Variants in NUCB2 observed in about 807,000 individuals in gnomAD.
The protein encoded by NUCB2 is nucleobindin 2.
In NUCB2, 48 loss-of-function variants were observed where a neutral mutation model predicts 57.9. The observed-to-expected ratio is 0.83, with a 90% CI of 0.66 to 1.05. NUCB2 has a LOEUF of 1.05. Ranked by LOEUF, NUCB2 falls within the 50% of genes least tolerant of loss-of-function variation. The pLI is 0.00. For synonymous variants in NUCB2, 139 were observed against 152.1 expected (o/e 0.91, Z 0.64); for missense variants, 442 against 476.2 (o/e 0.93, Z 0.67).
intron 5 of NUCB2, among the ~76,000 whole-genome samples, chr11:17,304,386 G>A (rs1947282766): frequency 1.3e-5 from 2 of 152,130 alleles, no homozygotes; most frequent in South Asian, 4.1e-4. Context: ...TGGAGACAGT[G>A]TTTCACCATG....
chr11:17,319,074 G>C (rs1195044842), intron 11 of NUCB2, among the ~76,000 whole-genome samples: 1 of 152,164 alleles, frequency 6.6e-6, no homozygotes, highest in Non-Finnish European at 1.5e-5. Context: ...GATGTCCATT[G>C]ATGATTCTAG....
At chr11:17,322,040 G>A (rs747169484) in intron 11 of NUCB2, among the ~76,000 whole-genome samples, 2 of 151,998 alleles carry the variant, frequency 1.3e-5, no homozygotes, top group Non-Finnish European at 2.9e-5. Context: ...TCATTCTGTG[G>A]GTTATCCCTT....
At chr11:17,313,332 C>T (rs912000356) in intron 10 of NUCB2, among the ~76,000 whole-genome samples, 5 of 151,862 alleles carry the variant, frequency 3.3e-5, no homozygotes, top group Non-Finnish European at 7.4e-5. Context: ...AAGTTCGAGA[C>T]CAGCCTGGCA....
At chr11:17,305,825 G>A (rs1947539363) in intron 5 of NUCB2, among the ~76,000 whole-genome samples, 1 of 151,638 alleles carries the variant, frequency 6.6e-6, no homozygotes, top group Non-Finnish European at 1.5e-5. Context: ...ATCTCACTGT[G>A]TTCCCCAGGC....
chr11:17,288,592 A>G (rs970363272), intron 2 of NUCB2, among the ~76,000 whole-genome samples: 10 of 116,302 alleles, frequency 8.6e-5, no homozygotes, highest in African/African-American at 3.5e-4. Context: ...TCTGTTGCCC[A>G]GACTGGAGTG....
chr11:17,320,997 A>G (rs994298033), intron 11 of NUCB2, among the ~76,000 whole-genome samples: 1 of 152,116 alleles, frequency 6.6e-6, no homozygotes, highest in Non-Finnish European at 1.5e-5. Context: ...GTATATATTT[A>G]TGGGGTACTT....
rs941918548 is a variant in NUCB2, at chr11:17,311,260, C to A, written c.737C>A (p.Pro246His). The A allele has an allele frequency of 6.2e-7, 1 of 1,607,014 alleles. No individual in the cohort carries two copies. Among genetic ancestry groups the A allele is most frequent in the Non-Finnish European group, 8.5e-7 (1 of 1,176,464 alleles). ...TDGLDPNDFDPKTFFKLHDVN... is the reference protein window; with the variant it reads ...TDGLDPNDFDHKTFFKLHDVN... Reference sequence around the variant, plus strand: ...GGATTGGATCCTAATGACTTTGACCCCAAGACATTTTTCAAATTACATGGT... The same window carrying A: ...GGATTGGATCCTAATGACTTTGACCACAAGACATTTTTCAAATTACATGGT... Residue 246 changes from proline to histidine, a missense_variant, in exon 8 of 14, where the codon CCC (proline) becomes CAC (histidine). Transcript: ENST00000529010.
In NUCB2 at chr11:17,330,207, T is replaced by G; in HGVS notation, c.1083T>G (p.Leu361=). ...ENIIALQENE[L]KKKADELQKQ... is the part of the protein sequence containing the mutation. The stretch of plus-strand genomic sequence containing the variant: ...TTATTGCTTTACAAGAAAATGAACT[T>G]AAGAAGAAGGCAGATGAGCTTCAGA... The change falls in exon 12 of 14, where the codon CTT becomes CTG. Residue 361 remains leucine (L), a synonymous_variant. Transcript: ENST00000529010. The surrounding 1 kb of genome is among the most constrained non-coding windows in gnomAD (Gnocchi z 4.3). 5 of 1,608,096 alleles carry G rather than the reference T, an allele frequency of 3.1e-6. No individual in the cohort carries two copies. The highest frequency in any genetic ancestry group is 4.3e-6 in the Non-Finnish European group (5 of 1,175,676).
At chr11:17,323,784 C>T (rs763417476) in intron 11 of NUCB2, among the ~76,000 whole-genome samples, 2 of 152,022 alleles carry the variant, frequency 1.3e-5, no homozygotes, top group Non-Finnish European at 2.9e-5. Context: ...GGATTTCTTC[C>T]GAATTCAATC....
chr11:17,277,472 C>T (rs990856452), intron 1 of NUCB2, among the ~76,000 whole-genome samples: 2 of 151,828 alleles, frequency 1.3e-5, no homozygotes, highest in Non-Finnish European at 2.9e-5. Context: ...AGTTATTTTA[C>T]AGTATCAAAT....
At chr11:17,303,930 C>T (rs1166636502) in intron 5 of NUCB2, among the ~76,000 whole-genome samples, 2 of 151,376 alleles carry the variant, frequency 1.3e-5, no homozygotes, top group African/African-American at 4.8e-5. Context: ...ATGGCTTTCT[C>T]CATGTATGCA....
intron 2 of NUCB2, among the ~76,000 whole-genome samples, chr11:17,291,743 A>G (rs541924774): frequency 6.6e-6 from 1 of 152,252 alleles, no homozygotes; most frequent in Admixed American, 6.5e-5. Context: ...CACAGAAGCA[A>G]ATTCTCAGTT....
chr11:17,287,279 C>G (rs987054923), intron 2 of NUCB2, among the ~76,000 whole-genome samples: 4 of 152,060 alleles, frequency 2.6e-5, no homozygotes, highest in Non-Finnish European at 4.4e-5. Context: ...TTGCAGTGAG[C>G]TGTGAGCTCA....
intron 5 of NUCB2, among the ~76,000 whole-genome samples, chr11:17,303,761 T>A (rs920103129): frequency 6.6e-6 from 1 of 151,806 alleles, no homozygotes; most frequent in African/African-American, 2.4e-5. Context: ...GGCACATGCC[T>A]GTAATCCCAG....
intron 11 of NUCB2, among the ~76,000 whole-genome samples, chr11:17,326,748 AT>A (rs1181363249): frequency 6.6e-6 from 1 of 152,188 alleles, no homozygotes; most frequent in Non-Finnish European, 1.5e-5. Context: ...ATATACGACA[AT>A]TACAGTGTTA....
chr11:17,301,253 G>A (rs1178786426), intron 4 of NUCB2, among the ~76,000 whole-genome samples: 6 of 144,280 alleles, frequency 4.2e-5, no homozygotes, highest in Admixed American at 7.1e-5. Context: ...GATTACAGGC[G>A]TGAGCCACCG....
intron 11 of NUCB2, among the ~76,000 whole-genome samples, chr11:17,318,758 A>T (rs963042001): frequency 6.7e-6 from 1 of 149,974 alleles, no homozygotes; most frequent in Non-Finnish European, 1.5e-5. Context: ...ATTGAATAAA[A>T]CAAGAAGCCA....
At chr11:17,285,154 G>A (rs908505275) in intron 2 of NUCB2, among the ~76,000 whole-genome samples, 7 of 152,278 alleles carry the variant, frequency 4.6e-5, no homozygotes, top group East Asian at 3.9e-4. Flanking sequence ...GAGGCTGGGC[G>A]CGGTGGCTCA....
At chr11:17,308,634 A>G (rs150548290) in intron 5 of NUCB2, among the ~76,000 whole-genome samples, 1 of 152,330 alleles carries the variant, frequency 6.6e-6, no homozygotes, top group East Asian at 1.9e-4. Context: ...TCTTGTATGT[A>G]TATCCACTGT....
Sources: allele counts gnomAD v4.1 joint callset (sites outside exome capture counted in the v4.1 genomes callset), GRCh38; gene constraint gnomAD v4.1.1; non-coding constraint Gnocchi (gnomAD v3.1); transcripts MANE v1.5; gene names NCBI Gene and HGNC (gene_info 2026-07-23, HGNC 2026-07-21).